The following NBEA variants were observed in gnomAD, a reference collection of about 807,000 sequenced individuals.
The protein encoded by NBEA is lysosomal-trafficking regulator 2.
Under a neutral mutation model 343.4 loss-of-function variants are expected in NBEA, and 44 were observed. The observed-to-expected ratio is 0.13, with a 90% CI of 0.10 to 0.16. The LOEUF (loss-of-function observed/expected upper bound fraction) is 0.16. Ranked by LOEUF, NBEA falls within the 10% of genes least tolerant of loss-of-function variation. The pLI is 1.00. For synonymous variants in NBEA, 1,175 were observed against 1,238.7 expected (o/e 0.95, Z 1.08); for missense variants, 2,555 against 3,631.3 (o/e 0.70, Z 7.62).
intron 45 of NBEA, among the ~76,000 whole-genome samples, chr13:35,568,089 T>A (rs73498958): frequency 0.14 from 21,517 of 152,214 alleles, 2,769 homozygotes; most frequent in African/African-American, 0.34. Context: ...CATTTAAAAA[T>A]TATAACATAG....
At chr13:35,407,395 A>T (rs1566086875) in intron 38 of NBEA, among the ~76,000 whole-genome samples, 1 of 151,870 alleles carries the variant, frequency 6.6e-6, no homozygotes, top group Non-Finnish European at 1.5e-5. Context: ...CAACAGCTAA[A>T]TTTTTTTTGT....
chr13:35,132,015 T>C (rs1241749792), intron 17 of NBEA, among the ~76,000 whole-genome samples: 3 of 152,202 alleles, frequency 2.0e-5, no homozygotes, highest in East Asian at 1.9e-4. Flanking sequence ...TATGCATTGC[T>C]GATGGAATGT....
intron 24 of NBEA, among the ~76,000 whole-genome samples, chr13:35,165,574 C>G (rs559899097): frequency 2.0e-5 from 3 of 152,234 alleles, no homozygotes; most frequent in Admixed American, 2.0e-4. Context: ...TCTTTAATCT[C>G]TCTTTTCCTC....
chr13:35,360,406 A>G (rs960836914), intron 38 of NBEA, among the ~76,000 whole-genome samples: 1 of 151,972 alleles, frequency 6.6e-6, no homozygotes, highest in African/African-American at 2.4e-5. Flanking sequence ...AAACATCCTA[A>G]AGAGGAAGTT....
At chr13:35,083,345 G>T (rs2064531511) in intron 10 of NBEA, among the ~76,000 whole-genome samples, 1 of 151,732 alleles carries the variant, frequency 6.6e-6, no homozygotes, top group African/African-American at 2.4e-5. Flanking sequence ...TTGAAGTCAG[G>T]TAGCGTGATG....
At position 35,485,147 on chromosome 13, in the gene NBEA, C is replaced by T. The variant is rs533812517; in HGVS notation, c.6585+12611C>T. Among the ~76,000 whole-genome samples the T allele has an allele frequency of 1.1e-4, 16 of 152,104 alleles. No homozygotes were observed. The South Asian group carries it at 3.1e-3, about 30-fold the overall frequency. On this transcript the variant is annotated intron_variant, in intron 41 of 58. Coordinates refer to ENST00000379939, the MANE Select transcript of NBEA (RefSeq NM_001385012.1). ...TACACTTCAGCCAATTGGAAGACTG[C>T]ATCTATATGAATTACTTTAATTTTC...
intron 1 of NBEA, among the ~76,000 whole-genome samples, chr13:35,016,046 T>C (rs1420337952): frequency 2.6e-5 from 4 of 152,204 alleles, no homozygotes; most frequent in Non-Finnish European, 4.4e-5. Flanking sequence ...AATAAAGTTA[T>C]GTTTTATATC....
In NBEA at chr13:35,533,397, G is replaced by C. The variant is rs1291438130; in HGVS notation, c.6586-17080G>C. Among the ~76,000 whole-genome samples, 3 of 151,976 alleles carry C rather than the reference G, an allele frequency of 2.0e-5. No homozygotes were observed. In the East Asian group the frequency reaches 5.8e-4, roughly 29 times the overall value. The stretch of plus-strand genomic sequence containing the variant: ...TCATGCATGTTATTTTTCCATATTA[G>C]TTAACATAAAAATTTATAATACGTA... On this transcript the variant is annotated intron_variant, in intron 41 of 58. Coordinates refer to ENST00000379939, the MANE Select transcript of NBEA (RefSeq NM_001385012.1).
intron 46 of NBEA, among the ~76,000 whole-genome samples, chr13:35,589,204 T>G (rs1483963849): frequency 2.6e-5 from 4 of 152,112 alleles, no homozygotes; most frequent in Non-Finnish European, 5.9e-5. Flanking sequence ...TAAAAGATAC[T>G]TCTTGGCTCT....
chr13:35,584,657 G>A (rs911453403), intron 46 of NBEA, among the ~76,000 whole-genome samples: 9 of 151,800 alleles, frequency 5.9e-5, no homozygotes, highest in African/African-American at 1.5e-4. Context: ...CCACCACCAC[G>A]CCCAGCTAAT....
At chr13:35,604,661 C>T (rs1051284725) in intron 47 of NBEA, among the ~76,000 whole-genome samples, 2 of 152,056 alleles carry the variant, frequency 1.3e-5, no homozygotes, top group Non-Finnish European at 2.9e-5. Context: ...ATCCAAACAG[C>T]GTATCCTTCA....
chr13:35,032,537 A>G (rs1433426112), intron 1 of NBEA, among the ~76,000 whole-genome samples: 2 of 151,390 alleles, frequency 1.3e-5, no homozygotes, highest in Non-Finnish European at 3.0e-5. Flanking sequence ...TAGATTATGG[A>G]TGTTAGACCT....
intron 26 of NBEA, 90 bp from the exon 27 acceptor site, chr13:35,173,374 G>A: frequency 8.6e-7 from 1 of 1,166,254 alleles, no homozygotes; most frequent in Non-Finnish European, 1.2e-6. Context: ...CAAGGGGAAA[G>A]AAAGGGAAGA....
At chr13:35,337,376 A>G (rs918053255) in intron 36 of NBEA, among the ~76,000 whole-genome samples, 2 of 152,154 alleles carry the variant, frequency 1.3e-5, no homozygotes, top group South Asian at 2.1e-4. Context: ...CAGACAAACT[A>G]TATTTTAATA....
chr13:34,990,396 C>T (rs2060709779), intron 1 of NBEA, among the ~76,000 whole-genome samples: 1 of 151,146 alleles, frequency 6.6e-6, no homozygotes, highest in South Asian at 2.1e-4. Context: ...CCTCTATGCC[C>T]CCACAGGCTT....
chr13:35,000,613 C>CACAT (rs1555271794), intron 1 of NBEA, among the ~76,000 whole-genome samples: 15 of 150,362 alleles, frequency 1.0e-4, no homozygotes, highest in African/African-American at 3.4e-4. Context: ...CACACACACA[C>CACAT]GTTTTAAAAG....
At chr13:35,409,191 A>G (rs117888241) in intron 38 of NBEA, among the ~76,000 whole-genome samples, 5,311 of 152,210 alleles carry the variant, frequency 0.035, 135 homozygotes, top group Non-Finnish European at 0.053. Context: ...CCTGTCCTTC[A>G]CGGGGACTTC....
At chr13:35,463,214 A>G (rs2152953397) in intron 40 of NBEA, among the ~76,000 whole-genome samples, 1 of 152,312 alleles carries the variant, frequency 6.6e-6, no homozygotes, top group South Asian at 2.1e-4. Context: ...CGAGTCAGGA[A>G]CTCTGGCTCA....
At position 35,011,228 on chromosome 13, in the gene NBEA, A is replaced by G. The variant is rs774405610; in HGVS notation, c.295-29705A>G. ...AAAGTTGCCTTTCATCAATAAGAGT[A>G]AGAATGGTGGAGGAGGTCCTGTAAG... On this transcript the variant is annotated intron_variant, in intron 1 of 58. Transcript: ENST00000379939. Among the ~76,000 whole-genome samples, 40 of 152,138 alleles carry G rather than the reference A, an allele frequency of 2.6e-4. 1 individual carries two copies. The highest frequency in any genetic ancestry group is 3.7e-4 in the Non-Finnish European group (25 of 68,016).
Sources: allele counts gnomAD v4.1 joint callset (sites outside exome capture counted in the v4.1 genomes callset), GRCh38; gene constraint gnomAD v4.1.1; transcripts MANE v1.5; gene names NCBI Gene and HGNC (gene_info 2026-07-23, HGNC 2026-07-21).